The following RSPH14 variants were observed in gnomAD, a reference collection of about 807,000 sequenced individuals.
RSPH14 encodes the protein radial spoke head 14 homolog.
RSPH14 carries 20 observed loss-of-function variants against 26.7 expected under a neutral mutation model. That is an observed-to-expected ratio of 0.75 (90% CI 0.53 to 1.09). The LOEUF is 1.09. Among genes scored for constraint, RSPH14 ranks in the 50% least tolerant of loss-of-function variants. The pLI, the probability that RSPH14 is intolerant of heterozygous loss-of-function variation, is 0.00. For synonymous variants in RSPH14, 177 were observed against 189.3 expected, an observed-to-expected ratio of 0.93 and a Z score of 0.53; for missense variants, 449 against 457.2, an observed-to-expected ratio of 0.98 and a Z score of 0.16.
At chr22:23,148,007 G>T (rs1349516051), upstream of RSPH14, among the ~76,000 whole-genome samples, 2 of 152,172 alleles carry the variant, frequency 1.3e-5, no homozygotes, top group Non-Finnish European at 2.9e-5. Flanking sequence ...TACTCTCAGT[G>T]GTTGCCTCTG....
At chr22:23,148,633 C>T (rs1419256228), upstream of RSPH14, among the ~76,000 whole-genome samples, 1 of 152,220 alleles carries the variant, frequency 6.6e-6, no homozygotes, top group Non-Finnish European at 1.5e-5. Flanking sequence ...CCCCAGGGCC[C>T]TGAGAAATTC....
intron 1 of RSPH14, 100 bp downstream of exon 1, chr22:23,141,849 C>G (rs768694540): frequency 7.2e-6 from 3 of 418,606 alleles, no homozygotes; most frequent in South Asian, 9.9e-5. Context: ...GACAAAAGAC[C>G]GTGATTTTGA....
the RSPH14 span, among the ~76,000 whole-genome samples, chr22:23,150,810 A>AC: frequency 3.5e-4 from 52 of 150,584 alleles, no homozygotes; most frequent in African/African-American, 1.1e-3. Context: ...GCCTTCTCTG[A>AC]CCCCCCACTA....
intron 4 of RSPH14, among the ~76,000 whole-genome samples, chr22:23,073,052 G>A (rs1488663522): frequency 6.6e-6 from 1 of 152,256 alleles, no homozygotes; most frequent in Non-Finnish European, 1.5e-5. Context: ...GTGAACACAT[G>A]TGTGCGGCTT....
At chr22:23,101,484 C>T (rs1168995952) in intron 4 of RSPH14, among the ~76,000 whole-genome samples, 1 of 152,140 alleles carries the variant, frequency 6.6e-6, no homozygotes. Context: ...AAGGTTGACA[C>T]TCCCCTCGTC....
chr22:23,061,737 G>A (rs1198650414), intron 6 of RSPH14, 72 bp downstream of exon 6: 1 of 1,567,750 alleles, frequency 6.4e-7, no homozygotes, highest in East Asian at 2.3e-5. Context: ...CCCAGCCCCT[G>A]AGTACAGAAA....
intron 4 of RSPH14, among the ~76,000 whole-genome samples, chr22:23,120,352 G>A (rs2069979352): frequency 1.3e-5 from 2 of 152,056 alleles, no homozygotes; most frequent in Admixed American, 1.3e-4. Context: ...GGCTGCCTTG[G>A]CCTTGGAGAG....
In RSPH14 at chr22:23,130,083, GGAAGAAAGAAAGAAAGAAAGAAAGAAAGA is replaced by G. The variant is rs2070290997; in HGVS notation, c.421+3914_421+3942del. Among the ~76,000 whole-genome samples, 10 of 29,148 alleles carry G rather than the reference GGAAGAAAGAAAGAAAGAAAGAAAGAAAGA, an allele frequency of 3.4e-4. No individual in the cohort carries two copies. The South Asian group carries it at 3.5e-3, about 10-fold the overall frequency. The allele number at this position is 29,148 out of a possible 152,430, so 19.1% of individuals were successfully genotyped here. A position where few individuals can be genotyped will look rare whatever the true frequency, so the allele number is the denominator to read the frequency against. On this transcript the variant is annotated intron_variant, in intron 4 of 6. Coordinates refer to ENST00000216036, the MANE Select transcript of RSPH14 (RefSeq NM_014433.3). The stretch of plus-strand genomic sequence containing the variant: ...AAAAAGAAAGAAAGAAAGAAAGAAA[GGAAGAAAGAAAGAAAGAAAGAAAGAAAGA>G]AAGAAAGAAAGAAAGAAAGAAAGAA...
chr22:23,131,079 C>G (rs1216972882), intron 4 of RSPH14: 1 of 153,062 alleles, frequency 6.5e-6, no homozygotes, highest in Non-Finnish European at 1.5e-5. Context: ...AACAAGCCTG[C>G]CAGCCTGGGA....
chr22:23,124,593 T>C, intron 4 of RSPH14: 1 of 229,144 alleles, frequency 4.4e-6, no homozygotes, highest in Non-Finnish European at 9.6e-6. Flanking sequence ...TCTTGGTATT[T>C]AAAGAGTAAA....
Position 23,072,141 on chromosome 22 carries a change from G to C in RSPH14, c.422-8008C>G, listed in dbSNP as rs554937289. ...CTGTGCTTCCAGGCACTTCTCCCTCGGGCACAGCCAGGGCACTGGGTAACC... is the reference window on the plus strand; with the variant it reads ...CTGTGCTTCCAGGCACTTCTCCCTCCGGCACAGCCAGGGCACTGGGTAACC... On this transcript the variant is annotated intron_variant, in intron 4 of 6. Coordinates refer to ENST00000216036, the MANE Select transcript of RSPH14 (RefSeq NM_014433.3). Among the ~76,000 whole-genome samples the C allele has an allele frequency of 3.9e-5, 6 of 152,240 alleles. No individual in the cohort carries two copies. In the East Asian group the frequency reaches 1.2e-3, roughly 29 times the overall value.
chr22:23,177,528 G>A, the RSPH14 span, among the ~76,000 whole-genome samples: 1 of 152,110 alleles, frequency 6.6e-6, no homozygotes, highest in East Asian at 1.9e-4. Context: ...GGGGATTACA[G>A]AGTGTTATGT....
In RSPH14 at chr22:23,086,384, G is replaced by A. The variant is rs151305394; in HGVS notation, c.422-22251C>T. The stretch of plus-strand genomic sequence containing the variant: ...AGGCCTGCTTTTAGCATGAGATGAC[G>A]TGTGTGAGCAAAGCACTCGGCCCAG... On this transcript the variant is annotated intron_variant, in intron 4 of 6. Transcript: ENST00000216036. Among the ~76,000 whole-genome samples the A allele has an allele frequency of 1.8e-4, 27 of 152,348 alleles. No homozygotes were observed. The East Asian group carries it at 3.9e-3, about 22-fold the overall frequency.
chr22:23,175,249 C>T, the RSPH14 span, among the ~76,000 whole-genome samples: 8 of 151,560 alleles, frequency 5.3e-5, no homozygotes, highest in South Asian at 2.1e-4. Context: ...CTGCCCGCCT[C>T]GGCCTCCCAA....
At chr22:23,101,804 C>A (rs979688514) in intron 4 of RSPH14, among the ~76,000 whole-genome samples, 1 of 152,198 alleles carries the variant, frequency 6.6e-6, no homozygotes, top group East Asian at 1.9e-4. Flanking sequence ...GCCCCCATGG[C>A]AGTGCAGCTT....
rs12157346 is a variant in RSPH14 at position 23,062,518 on chromosome 22, C to T, written c.654-573G>A. Among the ~76,000 whole-genome samples the T allele has an allele frequency of 9.2e-5, 14 of 152,348 alleles. 1 individual carries two copies. The highest frequency in any genetic ancestry group is 3.4e-4 in the African/African-American group (14 of 41,586). ...TCCCTGGGCCAGGAAACACTGTTCA[C>T]AAGCCCCACAGGAATGCCACAGTGC... On this transcript the variant is annotated intron_variant, in intron 5 of 6. Transcript: ENST00000216036.
the RSPH14 span, chr22:23,161,893 G>A: frequency 2.9e-6 from 1 of 339,612 alleles, no homozygotes; most frequent in Non-Finnish European, 5.5e-6. Flanking sequence ...CCTCAGAACT[G>A]CAAACTCCTG....
chr22:23,088,637 G>A (rs1204629340), intron 4 of RSPH14, among the ~76,000 whole-genome samples: 1 of 152,172 alleles, frequency 6.6e-6, no homozygotes, highest in African/African-American at 2.4e-5. Context: ...GCTCCGGTAG[G>A]GTGGAAAGGA....
intron 4 of RSPH14, among the ~76,000 whole-genome samples, chr22:23,108,901 G>A (rs1260703433): frequency 1.3e-5 from 2 of 152,202 alleles, no homozygotes; most frequent in African/African-American, 2.4e-5. Flanking sequence ...TCTGTCCTTC[G>A]AGGCAGGAGA....
Sources: gnomAD v4.1 joint callset for allele counts (sites outside exome capture counted in the v4.1 genomes callset) on GRCh38, gnomAD v4.1.1 for gene constraint, MANE v1.5 for transcripts, NCBI Gene and HGNC (gene_info 2026-07-23, HGNC 2026-07-21) for gene names.